MIPEP: variants seen among roughly 807,000 people sequenced by gnomAD.
The protein encoded by MIPEP is mitochondrial intermediate peptidase.
A neutral mutation model predicts 90.3 loss-of-function variants in MIPEP; 79 were observed. That is an observed-to-expected ratio of 0.87 (90% confidence interval 0.73 to 1.05). MIPEP has a LOEUF of 1.05. Among genes scored for constraint, MIPEP ranks in the 50% least tolerant of loss-of-function variants. The pLI, the probability that MIPEP is intolerant of heterozygous loss-of-function variation, is 0.00. For missense variants in MIPEP, 940 were observed against 905.6 expected, an observed-to-expected ratio of 1.04 and a Z score of -0.49; for synonymous variants, 334 against 315.8, an observed-to-expected ratio of 1.06 and a Z score of -0.61.
chr13:23,823,874 C>G (rs1953337350), intron 14 of MIPEP, among the ~76,000 whole-genome samples: 1 of 152,156 alleles, frequency 6.6e-6, no homozygotes, highest in Admixed American at 6.5e-5. Context: ...ATCATATTGT[C>G]ACCCTATTAA....
intron 16 of MIPEP, among the ~76,000 whole-genome samples, chr13:23,777,831 T>C (rs376401133): frequency 1.3e-5 from 2 of 152,198 alleles, no homozygotes; most frequent in South Asian, 4.1e-4. Flanking sequence ...CTAAACTAAC[T>C]GTGGCAGCAT....
intron 10 of MIPEP, among the ~76,000 whole-genome samples, chr13:23,849,004 G>A (rs1593189397): frequency 6.6e-6 from 1 of 152,206 alleles, no homozygotes; most frequent in Admixed American, 6.5e-5. Context: ...GGGCGTGACT[G>A]CTGTGCTCTC....
chr13:23,887,412 G>C (rs926726859), intron 1 of MIPEP, among the ~76,000 whole-genome samples: 1 of 152,158 alleles, frequency 6.6e-6, no homozygotes, highest in South Asian at 2.1e-4. Context: ...TTCTTTTACA[G>C]ATCAGGCCAC....
intron 4 of MIPEP, 117 bp downstream of exon 4, chr13:23,879,151 C>G (rs1307604910): frequency 7.2e-6 from 5 of 694,344 alleles, no homozygotes; most frequent in Non-Finnish European, 1.3e-5. Context: ...CATAGAGATA[C>G]CTGGGGAGGA....
intron 10 of MIPEP, among the ~76,000 whole-genome samples, chr13:23,850,788 CA>C (rs1287757715): frequency 2.0e-5 from 3 of 152,186 alleles, no homozygotes; most frequent in African/African-American, 7.2e-5. Context: ...AATGTGAAAT[CA>C]AACAGCCATG....
intron 14 of MIPEP, among the ~76,000 whole-genome samples, chr13:23,833,934 G>A (rs1868896690): frequency 1.3e-5 from 2 of 152,184 alleles, no homozygotes; most frequent in South Asian, 4.2e-4. Flanking sequence ...CGGCAGTGAT[G>A]CTCCCCACGT....
At chr13:23,732,494 C>G (rs1390084021) in intron 18 of MIPEP, among the ~76,000 whole-genome samples, 1 of 152,140 alleles carries the variant, frequency 6.6e-6, no homozygotes. Flanking sequence ...TTGTACAACC[C>G]CAAGCTTGAA....
At chr13:23,851,405 T>C (rs543595156) in intron 10 of MIPEP, among the ~76,000 whole-genome samples, 3 of 152,254 alleles carry the variant, frequency 2.0e-5, no homozygotes, top group African/African-American at 7.2e-5. Flanking sequence ...ATAATACTCA[T>C]TTGTCACTAG....
intron 16 of MIPEP, among the ~76,000 whole-genome samples, chr13:23,770,501 T>G (rs1316730913): frequency 1.3e-5 from 2 of 152,200 alleles, no homozygotes; most frequent in Non-Finnish European, 2.9e-5. Context: ...GCTGTCCCCC[T>G]GCCCCCAGGC....
chr13:23,843,450 C>T (rs1258556035), intron 10 of MIPEP, among the ~76,000 whole-genome samples: 3 of 152,178 alleles, frequency 2.0e-5, no homozygotes, highest in Admixed American at 1.3e-4. Flanking sequence ...ATTCAACCTT[C>T]TATTAGTACA....
chr13:23,884,074 A>G (rs1241600705), intron 2 of MIPEP, among the ~76,000 whole-genome samples: 2 of 152,204 alleles, frequency 1.3e-5, no homozygotes, highest in Non-Finnish European at 2.9e-5. Context: ...TTTTCCAAAA[A>G]AGGAAAAAAA....
intron 16 of MIPEP, among the ~76,000 whole-genome samples, chr13:23,780,567 A>G (rs989142924): frequency 2.0e-5 from 3 of 152,158 alleles, no homozygotes; most frequent in Admixed American, 2.0e-4. Context: ...CCAAAGGAAC[A>G]CAGCTCCTCA....
rs376481789 is a variant in MIPEP at position 23,874,465 on chromosome 13, AC to A, written c.603+380del. Among the ~76,000 whole-genome samples the A allele has an allele frequency of 2.0e-4, 30 of 152,350 alleles. 2 individuals are homozygous for A. The East Asian group carries it at 5.6e-3, about 28-fold the overall frequency. On this transcript the variant is annotated intron_variant, in intron 5 of 18. Transcript: ENST00000382172. Reference sequence around the variant, plus strand: ...TATGCTTGTTCCATCAGTCAAACACACGTATAATATAAATAAATACACTTAT... The same window carrying A: ...TATGCTTGTTCCATCAGTCAAACACAGTATAATATAAATAAATACACTTAT...
At chr13:23,735,442 GA>G (rs1368209513) in intron 18 of MIPEP, among the ~76,000 whole-genome samples, 1 of 152,184 alleles carries the variant, frequency 6.6e-6, no homozygotes, top group Non-Finnish European at 1.5e-5. Context: ...ATTCTCAGAA[GA>G]GAAAGCCATT....
intron 9 of MIPEP, among the ~76,000 whole-genome samples, chr13:23,859,406 A>C (rs1335127464): frequency 1.3e-5 from 2 of 152,214 alleles, no homozygotes; most frequent in Non-Finnish European, 2.9e-5. Flanking sequence ...GGCAAAGAAA[A>C]TATGTCATAA....
Position 23,871,505 on chromosome 13 carries a change from G to A in MIPEP, c.604-1310C>T, listed in dbSNP as rs369328310. ...GTTACCAAAAAACTAGACAGGCTCC[G>A]CACTGGGCTCATGTTGGGCTTCAGG... On this transcript the variant is annotated intron_variant, in intron 5 of 18. Coordinates refer to ENST00000382172, the MANE Select transcript of MIPEP (RefSeq NM_005932.4). Among the ~76,000 whole-genome samples, 708 of 152,240 alleles carry A rather than the reference G, an allele frequency of 4.7e-3. 8 individuals are homozygous for A. The highest frequency in any genetic ancestry group is 0.019 in the South Asian group (91 of 4,816).
At chr13:23,820,563 A>G (rs1953295147) in intron 14 of MIPEP, among the ~76,000 whole-genome samples, 1 of 152,236 alleles carries the variant, frequency 6.6e-6, no homozygotes, top group Admixed American at 6.5e-5. Context: ...ATCGTAAAGA[A>G]ATAAAGGAAT....
chr13:23,818,525 C>A (rs1327642449), intron 14 of MIPEP, among the ~76,000 whole-genome samples: 2 of 152,048 alleles, frequency 1.3e-5, no homozygotes, highest in African/African-American at 4.8e-5. Flanking sequence ...TCCCTGGAAC[C>A]AGAATAGGTT....
intron 18 of MIPEP, among the ~76,000 whole-genome samples, chr13:23,735,732 T>C (rs1370500237): frequency 6.6e-6 from 1 of 152,138 alleles, no homozygotes; most frequent in Non-Finnish European, 1.5e-5. Flanking sequence ...ATGTATGTGA[T>C]TGCTGAAGAT....
Sources: gnomAD v4.1 joint callset for allele counts (sites outside exome capture counted in the v4.1 genomes callset) on GRCh38, gnomAD v4.1.1 for gene constraint, MANE v1.5 for transcripts, NCBI Gene and HGNC (gene_info 2026-07-23, HGNC 2026-07-21) for gene names.